Variants in ROBO2 observed in about 807,000 individuals in gnomAD.
ROBO2 encodes roundabout homolog 2.
ROBO2 carries 53 observed loss-of-function variants against 160.8 expected under a neutral mutation model. That is an observed-to-expected ratio of 0.33 (90% CI 0.26 to 0.41). The LOEUF (loss-of-function observed/expected upper bound fraction) is 0.41. Among genes scored for constraint, ROBO2 ranks in the 10% least tolerant of loss-of-function variants. The pLI, the probability that ROBO2 is intolerant of heterozygous loss-of-function variation, is 1.00. For missense variants in ROBO2, 1,577 were observed against 1,722.4 expected (o/e 0.92, Z 1.49); for synonymous variants, 664 against 611.7 (o/e 1.09, Z -1.26).
intron 2 of ROBO2, among the ~76,000 whole-genome samples, chr3:77,028,305 T>C (rs1261881301): frequency 6.6e-6 from 1 of 152,208 alleles, no homozygotes; most frequent in East Asian, 1.9e-4. Flanking sequence ...TGTTTATTTC[T>C]GTACTCTTCT....
At chr3:76,296,283 A>G (rs1260696781) in intron 2 of ROBO2, among the ~76,000 whole-genome samples, 1 of 152,210 alleles carries the variant, frequency 6.6e-6, no homozygotes, top group African/African-American at 2.4e-5. Context: ...CCCTGCAGGC[A>G]CCTGGATTTC....
chr3:76,050,257 C>T (rs1339404447), intron 2 of ROBO2, among the ~76,000 whole-genome samples: 1 of 152,168 alleles, frequency 6.6e-6, no homozygotes, highest in Non-Finnish European at 1.5e-5. Context: ...CTCCATCTTT[C>T]TCCCGTGCTG....
At chr3:76,824,924 C>A (rs2066432369) in intron 2 of ROBO2, among the ~76,000 whole-genome samples, 2 of 152,100 alleles carry the variant, frequency 1.3e-5, no homozygotes, top group African/African-American at 4.8e-5. Context: ...TGCTACCAAG[C>A]ATGAAGTCAC....
chr3:77,328,062 C>CAAAAAA (rs57829219), intron 2 of ROBO2, among the ~76,000 whole-genome samples: 9 of 112,774 alleles, frequency 8.0e-5, no homozygotes, highest in Non-Finnish European at 1.2e-4. Flanking sequence ...GACCGTATCT[C>CAAAAAA]AAAAAAAAAA....
chr3:77,540,793 G>A (rs185511331), intron 6 of ROBO2, among the ~76,000 whole-genome samples: 49 of 152,174 alleles, frequency 3.2e-4, no homozygotes, highest in Middle Eastern at 3.4e-3. Flanking sequence ...TCAGTTTACT[G>A]GTTTTACATC....
intron 2 of ROBO2, among the ~76,000 whole-genome samples, chr3:77,240,627 T>C (rs1203127193): frequency 6.6e-6 from 1 of 152,284 alleles, no homozygotes; most frequent in East Asian, 1.9e-4. Context: ...CACCAGCACG[T>C]TGTCACCTCT....
chr3:76,977,611 G>C (rs762595400), intron 2 of ROBO2, among the ~76,000 whole-genome samples: 3 of 152,106 alleles, frequency 2.0e-5, no homozygotes, highest in Admixed American at 6.6e-5. Flanking sequence ...CAGAAGTCAT[G>C]CAACTAACCT....
intron 2 of ROBO2, among the ~76,000 whole-genome samples, chr3:77,129,957 T>A (rs975687267): frequency 2.0e-5 from 3 of 152,132 alleles, no homozygotes; most frequent in Non-Finnish European, 4.4e-5. Flanking sequence ...ACCATCAGAT[T>A]GAGAAATGAC....
chr3:77,522,644 G>A, intron 5 of ROBO2, 131 bp from the exon 6 acceptor site: 2 of 872,110 alleles, frequency 2.3e-6, no homozygotes, highest in Non-Finnish European at 3.6e-6. Context: ...TGCACTTTGT[G>A]GCTGATTTGT....
intron 2 of ROBO2, among the ~76,000 whole-genome samples, chr3:76,743,999 A>G (rs866888990): frequency 6.6e-6 from 1 of 152,106 alleles, no homozygotes; most frequent in Non-Finnish European, 1.5e-5. Context: ...TGGAAAGGAA[A>G]TTTATTGAAT....
At chr3:76,393,485 A>G (rs1249326391) in intron 2 of ROBO2, among the ~76,000 whole-genome samples, 1 of 152,204 alleles carries the variant, frequency 6.6e-6, no homozygotes, top group Admixed American at 6.5e-5. Flanking sequence ...GAAATTGATA[A>G]GACTTCTAAA....
chr3:76,708,499 A>G (rs1485987661), intron 2 of ROBO2, among the ~76,000 whole-genome samples: 1 of 152,222 alleles, frequency 6.6e-6, no homozygotes, highest in African/African-American at 2.4e-5. Context: ...AATTATTTGC[A>G]TAATAAACTT....
intron 2 of ROBO2, among the ~76,000 whole-genome samples, chr3:76,520,596 G>A (rs900695966): frequency 1.3e-5 from 2 of 152,136 alleles, no homozygotes; most frequent in African/African-American, 4.8e-5. Context: ...ATTTTCCTCT[G>A]TAAGAAACTC....
At chr3:77,030,036 C>G (rs1037138127) in intron 2 of ROBO2, among the ~76,000 whole-genome samples, 4 of 152,014 alleles carry the variant, frequency 2.6e-5, no homozygotes, top group Non-Finnish European at 1.5e-5. Context: ...AGCTCCGCCT[C>G]CCAGTTCACG....
chr3:76,622,191 A>AAGG (rs2089152361), intron 2 of ROBO2, among the ~76,000 whole-genome samples: 2 of 65,892 alleles, frequency 3.0e-5, no homozygotes, highest in African/African-American at 1.2e-4. Context: ...TAAAAAAAAG[A>AAGG]AAGGAAGGAA....
At chr3:77,551,754 G>C (rs2092929030) in intron 8 of ROBO2, among the ~76,000 whole-genome samples, 1 of 151,854 alleles carries the variant, frequency 6.6e-6, no homozygotes, top group African/African-American at 2.4e-5. Context: ...CCTAATGCTG[G>C]CTTCTGAGAT....
intron 2 of ROBO2, among the ~76,000 whole-genome samples, chr3:76,231,238 G>A (rs965144416): frequency 1.3e-5 from 2 of 152,154 alleles, no homozygotes; most frequent in Non-Finnish European, 2.9e-5. Flanking sequence ...TACATGAAGA[G>A]CAATTATAAC....
chr3:76,897,923 T>A (rs920059323), intron 2 of ROBO2, among the ~76,000 whole-genome samples: 1 of 152,118 alleles, frequency 6.6e-6, no homozygotes, highest in Non-Finnish European at 1.5e-5. Context: ...AACTGATTTG[T>A]TGTTTGTAGA....
chr3:76,193,409 C>T (rs1258344886), intron 2 of ROBO2, among the ~76,000 whole-genome samples: 1 of 152,118 alleles, frequency 6.6e-6, no homozygotes, highest in Admixed American at 6.6e-5. Flanking sequence ...CAATCATTCT[C>T]CCAGTGAATG....
Sources: allele counts gnomAD v4.1 joint callset (sites outside exome capture counted in the v4.1 genomes callset), GRCh38; gene constraint gnomAD v4.1.1; transcripts MANE v1.5; gene names NCBI Gene and HGNC (gene_info 2026-07-23, HGNC 2026-07-21).